Variants in SFRP1 observed in about 807,000 individuals in gnomAD.
SFRP1 encodes the protein secreted frizzled related protein 1, also known as secreted frizzled-related protein 1.
In SFRP1, 9 loss-of-function variants were observed where a neutral mutation model predicts 25.9. The observed-to-expected ratio is 0.35, with a 90% CI of 0.21 to 0.61. The LOEUF is 0.61. SFRP1 is among the 20% of genes least tolerant of loss of function. SFRP1 has a pLI of 0.78. For synonymous variants in SFRP1, 178 were observed against 174.0 expected (o/e 1.02, Z -0.18); for missense variants, 346 against 418.2 (o/e 0.83, Z 1.51).
chr8:41,294,285 C>T (rs1803813587), intron 2 of SFRP1, among the ~76,000 whole-genome samples: 2 of 152,292 alleles, frequency 1.3e-5, no homozygotes, highest in South Asian at 4.1e-4. Flanking sequence ...TGGGGATTTC[C>T]TTCAGCCATA....
chr8:41,301,118 G>A (rs1369675630), intron 2 of SFRP1, among the ~76,000 whole-genome samples: 7 of 152,036 alleles, frequency 4.6e-5, no homozygotes, highest in Non-Finnish European at 8.8e-5. Context: ...GCAGGGGGAC[G>A]AGGGTGCTGC....
In SFRP1 at chr8:41,303,041, G is replaced by C. The variant is rs550157771; in HGVS notation, c.622+420C>G. Among the ~76,000 whole-genome samples the C allele has an allele frequency of 3.7e-4, 52 of 141,146 alleles. No individual in the cohort carries two copies. In the South Asian group the frequency reaches 6.1e-3, roughly 17 times the overall value. The allele number at this position is 141,146 out of a possible 152,430, so 92.6% of individuals were successfully genotyped here. A position where few individuals can be genotyped will look rare whatever the true frequency, so the allele number is the denominator to read the frequency against. ...CTGGACAGAGTCATGCTGACACCTA[G>C]GGGTAGATGTTAAAAAAAAAAAAAA... On this transcript the variant is annotated intron_variant, in intron 2 of 2. Coordinates refer to ENST00000220772, the MANE Select transcript of SFRP1 (RefSeq NM_003012.5).
At chr8:41,305,605 C>T (rs1030988081) in intron 1 of SFRP1, among the ~76,000 whole-genome samples, 3 of 152,176 alleles carry the variant, frequency 2.0e-5, no homozygotes, top group African/African-American at 7.2e-5. Context: ...GAGAAATCCA[C>T]CCAGTCATCC....
Position 41,299,506 on chromosome 8 carries a change from A to T in SFRP1, c.622+3955T>A, listed in dbSNP as rs13256211. Among the ~76,000 whole-genome samples, 522 of 83,426 alleles carry T rather than the reference A, an allele frequency of 6.3e-3. 1 individual carries two copies. The highest frequency in any genetic ancestry group is 0.012 in the Non-Finnish European group (404 of 35,006). The allele number at this position is 83,426 out of a possible 152,430, so 54.7% of individuals were successfully genotyped here. A position where few individuals can be genotyped will look rare whatever the true frequency, so the allele number is the denominator to read the frequency against. On this transcript the variant is annotated intron_variant, in intron 2 of 2. Transcript: ENST00000220772. ...AAAGAGCCTTCTCCTTTATAAAAAA[A>T]AAAAAAAAAAAAAAAAAAAAGAAGT...
chr8:41,284,089 G>A (rs1204152404), intron 2 of SFRP1, among the ~76,000 whole-genome samples: 1 of 152,114 alleles, frequency 6.6e-6, no homozygotes, highest in African/African-American at 2.4e-5. Flanking sequence ...TCCAAACCTA[G>A]GCCTGCACAT....
At chr8:41,300,162 C>A (rs1563366751) in intron 2 of SFRP1, among the ~76,000 whole-genome samples, 2 of 152,192 alleles carry the variant, frequency 1.3e-5, no homozygotes, top group African/African-American at 4.8e-5. Context: ...AGAGTGAGAA[C>A]AGATTAGTGG....
chr8:41,283,279 CA>C (rs1803657831), intron 2 of SFRP1, among the ~76,000 whole-genome samples: 2 of 152,170 alleles, frequency 1.3e-5, no homozygotes, highest in South Asian at 4.1e-4. Context: ...GAGTCCCTTT[CA>C]GAGTGTGTGT....
At chr8:41,290,511 C>T (rs1803762281) in intron 2 of SFRP1, among the ~76,000 whole-genome samples, 1 of 152,194 alleles carries the variant, frequency 6.6e-6, no homozygotes, top group Non-Finnish European at 1.5e-5. Flanking sequence ...TTGGTAATGG[C>T]CAGCTCTGCG....
intron 2 of SFRP1, among the ~76,000 whole-genome samples, chr8:41,276,477 C>T (rs897122520): frequency 5.9e-5 from 9 of 152,330 alleles, no homozygotes; most frequent in African/African-American, 2.2e-4. Context: ...ACAGACCCCA[C>T]TGTTCCCAGC....
intron 1 of SFRP1, among the ~76,000 whole-genome samples, chr8:41,306,223 G>A (rs953102706): frequency 6.6e-6 from 1 of 152,142 alleles, no homozygotes; most frequent in African/African-American, 2.4e-5. Flanking sequence ...AATAACACAT[G>A]ACCACAGACA....
chr8:41,278,383 T>G (rs1388267223), intron 2 of SFRP1, among the ~76,000 whole-genome samples: 7 of 152,232 alleles, frequency 4.6e-5, no homozygotes, highest in Admixed American at 2.0e-4. Flanking sequence ...ACCATTAACC[T>G]TTAGCATAAA....
At chr8:41,295,429 C>T (rs1453674430) in intron 2 of SFRP1, among the ~76,000 whole-genome samples, 1 of 151,016 alleles carries the variant, frequency 6.6e-6, no homozygotes, top group African/African-American at 2.4e-5. Flanking sequence ...CTCGGGAGGC[C>T]GAGGCAGAAA....
chr8:41,309,043 G>C lies in SFRP1; in HGVS notation c.117C>G (p.Phe39Leu). The change falls in exon 1 of 3, where the codon TTC becomes TTG. Residue 39 changes from phenylalanine to leucine, a missense_variant. Physicochemically the swap from Phe to Leu is conservative, Grantham distance 22. Coordinates refer to ENST00000220772, the MANE Select transcript of SFRP1 (RefSeq NM_003012.5). Reference sequence around the variant, plus strand: ...TCTGGTACGGGCCGATGTCCGACTGGAAGCTCACGTAGTCGTACTCGCTGG... The same window carrying C: ...TCTGGTACGGGCCGATGTCCGACTGCAAGCTCACGTAGTCGTACTCGCTGG... ...GSASEYDYVS[F>L]QSDIGPYQSG... 1 of 1,607,076 alleles carries C rather than the reference G, an allele frequency of 6.2e-7. No individual in the cohort carries two copies. Among genetic ancestry groups the C allele is most frequent in the Non-Finnish European group, 8.5e-7 (1 of 1,179,808 alleles).
intron 1 of SFRP1, among the ~76,000 whole-genome samples, chr8:41,305,828 C>T (rs1803989301): frequency 6.6e-6 from 1 of 152,214 alleles, no homozygotes; most frequent in Admixed American, 6.5e-5. Flanking sequence ...TTTCTTCTCT[C>T]TTTCCCTTTC....
rs1803414518 is a variant in SFRP1 at position 41,264,843 on chromosome 8, C to T, written c.*324G>A. ...CTGGCTCTCACTTTCCGCCCAATCC[C>T]CCTTTTTGTGTTTTAGTGGCTGTGT... On this transcript the variant is annotated 3_prime_UTR_variant, in exon 3 of 3. Coordinates refer to ENST00000220772, the MANE Select transcript of SFRP1 (RefSeq NM_003012.5). 1 of 271,024 alleles carries T rather than the reference C, an allele frequency of 3.7e-6. No homozygotes were observed. Among genetic ancestry groups the T allele is most frequent in the African/African-American group, 2.2e-5 (1 of 45,682 alleles). The allele number at this position is 271,024 out of a possible 1,614,324, so 16.8% of individuals were successfully genotyped here.
intron 1 of SFRP1, among the ~76,000 whole-genome samples, chr8:41,307,878 T>C (rs1804018224): frequency 6.6e-6 from 1 of 152,210 alleles, no homozygotes; most frequent in South Asian, 2.1e-4. Flanking sequence ...ATTACATTTT[T>C]ATCTTTCTAA....
chr8:41,266,720 T>C (rs1803440219), intron 2 of SFRP1, among the ~76,000 whole-genome samples: 1 of 152,100 alleles, frequency 6.6e-6, no homozygotes, highest in Non-Finnish European at 1.5e-5. Context: ...TCACCACGCC[T>C]GACCATGAGG....
chr8:41,268,136 G>A (rs7832749), intron 2 of SFRP1, among the ~76,000 whole-genome samples: 73,514 of 152,104 alleles, frequency 0.48, 18,305 homozygotes, highest in African/African-American at 0.61. Context: ...CCATTGTAAG[G>A]TAGTACCCAC....
chr8:41,288,150 G>GC (rs1803730458), intron 2 of SFRP1, among the ~76,000 whole-genome samples: 1 of 152,092 alleles, frequency 6.6e-6, no homozygotes, highest in Non-Finnish European at 1.5e-5. Flanking sequence ...CTGAGGTCAG[G>GC]AGTTCAAGAT....
Sources: gnomAD v4.1 joint callset for allele counts (sites outside exome capture counted in the v4.1 genomes callset) on GRCh38, gnomAD v4.1.1 for gene constraint, MANE v1.5 for transcripts, NCBI Gene and HGNC (gene_info 2026-07-23, HGNC 2026-07-21) for gene names.